Variants in FCSK observed in about 807,000 individuals in gnomAD.
The protein encoded by FCSK is L-fucose kinase.
Under a neutral mutation model 122.5 loss-of-function variants are expected in FCSK, and 123 were observed. The observed-to-expected ratio is 1.00, with a 90% CI of 0.87 to 1.17. FCSK has a LOEUF of 1.17. FCSK is among the 50% of genes most tolerant of loss of function. FCSK has a pLI of 0.00. For synonymous variants in FCSK, 620 were observed against 625.5 expected (o/e 0.99, Z 0.13); for missense variants, 1,366 against 1,450.4 (o/e 0.94, Z 0.95).
At chr16:70,469,427 GA>G in intron 10 of FCSK, 104 bp downstream of exon 10, 4 of 1,116,680 alleles carry the variant, frequency 3.6e-6, no homozygotes, top group Non-Finnish European at 5.0e-6. Flanking sequence ...CCAGCACAGG[GA>G]CTGGGCAGTT....
rs1335989173 is a variant in FCSK, at chr16:70,467,232, A to T, written c.485-142A>T. On this transcript the variant is annotated intron_variant, in intron 6 of 23. Transcript: ENST00000288078. ...AGGAGGGTTGTCATTCTCCCAGGCGAATGTCCATTTGGCTTGGAAACCGTA... is the reference window on the plus strand; with the variant it reads ...AGGAGGGTTGTCATTCTCCCAGGCGTATGTCCATTTGGCTTGGAAACCGTA... 4.7e-6 allele frequency: 3 copies of T among 642,884 alleles called. No individual in the cohort carries two copies. In the Admixed American group the frequency reaches 8.4e-5, roughly 18 times the overall value. 39.8% of individuals were successfully genotyped at this position (642,884 alleles called of 1,614,324 possible).
chr16:70,473,479 A>T lies in FCSK; in HGVS notation c.1777+126A>T, dbSNP rs1438475276. On this transcript the variant is annotated intron_variant, in intron 15 of 23. Transcript: ENST00000288078. The surrounding 1 kb of genome is among the most constrained non-coding windows in gnomAD (Gnocchi z 4.9). ...CTCAAGCAGGGAAGGGGCATGCTGG[A>T]GTTTACTTTTAGGATTCTGGAAGGC... 8.4e-7 allele frequency: 1 copy of T among 1,196,218 alleles called. No individual in the cohort carries two copies. The highest frequency in any genetic ancestry group is 1.6e-5 in the African/African-American group (1 of 63,256). The allele number at this position is 1,196,218 out of a possible 1,614,324, so 74.1% of individuals were successfully genotyped here.
intron 20 of FCSK, chr16:70,477,958 C>T (rs1567714221): frequency 3.2e-6 from 1 of 310,954 alleles, no homozygotes; most frequent in Non-Finnish European, 6.0e-6. Flanking sequence ...GCTGTGATTA[C>T]AGGCGTGTGC....
chr16:70,467,809 G>T, intron 7 of FCSK, 77 bp from the exon 8 acceptor site: 1 of 1,252,158 alleles, frequency 8.0e-7, no homozygotes, highest in East Asian at 2.3e-5. Context: ...GAATGCCCTT[G>T]CTGCCACCTG....
rs929210778 is a variant in FCSK at position 70,473,389 on chromosome 16, C to T, written c.1777+36C>T. 4 of 1,458,552 alleles carry T rather than the reference C, an allele frequency of 2.7e-6. No homozygotes were observed. The Admixed American group carries it at 9.8e-5, about 36-fold the overall frequency. The allele number at this position is 1,458,552 out of a possible 1,614,324, so 90.4% of individuals were successfully genotyped here. ...AGGCTGGTAGTGCTGCAGAATCAGG[C>T]CAGGGGCACCTGCCCTCCCTGTCCT... is the stretch of plus-strand genomic sequence containing the variant. On this transcript the variant is annotated intron_variant, in intron 15 of 23. Coordinates refer to ENST00000288078, the MANE Select transcript of FCSK (RefSeq NM_145059.3). The surrounding 1 kb of genome is among the most constrained non-coding windows in gnomAD (Gnocchi z 4.9).
intron 1 of FCSK, 94 bp from the exon 2 acceptor site, chr16:70,463,075 C>A: frequency 4.0e-6 from 3 of 752,216 alleles, no homozygotes; most frequent in East Asian, 2.8e-5. Flanking sequence ...CGAATCTATA[C>A]ACATGTTAAA....
In FCSK at chr16:70,469,140, C is replaced by G; in HGVS notation, c.784-12C>G. 6.2e-7 allele frequency: 1 copy of G among 1,613,922 alleles called. No individual in the cohort carries two copies. Among genetic ancestry groups the G allele is most frequent in the Non-Finnish European group, 8.5e-7 (1 of 1,179,986 alleles). On this transcript the variant is annotated splice_polypyrimidine_tract_variant and intron_variant, in intron 9 of 23. Transcript: ENST00000288078. The stretch of plus-strand genomic sequence containing the variant: ...GCCATGCCAATAGCTGTGCTTCTTC[C>G]CCTTCCCCTAGCTGTCTCTGTTTTT...
chr16:70,475,331 C>T lies in FCSK; in HGVS notation c.2378-19C>T. ...GCCCATCGAGACTGAATTCCTTTCT[C>T]ATGCCTGTCCTTCTGCAGGGGCCCT... On this transcript the variant is annotated intron_variant, in intron 18 of 23. Transcript: ENST00000288078. 1 of 1,607,740 alleles carries T rather than the reference C, an allele frequency of 6.2e-7. No homozygotes were observed. Among genetic ancestry groups the T allele is most frequent in the Non-Finnish European group, 8.5e-7 (1 of 1,179,738 alleles).
At chr16:70,472,913 G>T in intron 14 of FCSK, 70 bp from the exon 15 acceptor site, 1 of 1,503,566 alleles carries the variant, frequency 6.7e-7, no homozygotes. Context: ...ACTGACAGGC[G>T]GCTCAGGGCT....
intron 11 of FCSK, 82 bp from the exon 12 acceptor site, chr16:70,470,889 C>A: frequency 1.6e-6 from 2 of 1,268,644 alleles, no homozygotes; most frequent in Non-Finnish European, 2.2e-6. Context: ...GACGCTTTGC[C>A]CCTGGATGCT....
rs753838993 is a variant in FCSK, at chr16:70,479,199, C to T, written c.2949C>T (p.Gly983=). ...GFRQGSLPLL[G]QCLTSYWEQK... ...CCTCAGGAAGCCTGCCTCTGCTGGGCCAGTGCCTGACCTCGTACTGGGAGC... is the reference window on the plus strand; with the variant it reads ...CCTCAGGAAGCCTGCCTCTGCTGGGTCAGTGCCTGACCTCGTACTGGGAGC... Residue 983 remains glycine (G), a synonymous_variant, in exon 23 of 24, where the codon GGC becomes GGT. Coordinates refer to ENST00000288078, the MANE Select transcript of FCSK (RefSeq NM_145059.3). 4 of 1,613,430 alleles carry T rather than the reference C, an allele frequency of 2.5e-6. No individual in the cohort carries two copies. The highest frequency in any genetic ancestry group is 3.4e-6 in the Non-Finnish European group (4 of 1,179,992).
chr16:70,478,133 A>G (rs1242228341), intron 20 of FCSK, 139 bp from the exon 21 acceptor site: 7 of 745,604 alleles, frequency 9.4e-6, no homozygotes, highest in African/African-American at 1.8e-5. Context: ...CAGAAGCTGC[A>G]TAGCTCACTG....
chr16:70,467,425 G>T lies in FCSK; in HGVS notation c.536G>T (p.Ser179Ile). Residue 179 changes from serine to isoleucine, a missense_variant, in exon 7 of 24, where the codon AGC (serine) becomes ATC (isoleucine). Ser to Ile is a moderately radical substitution (Grantham distance 142). Transcript: ENST00000288078. ...RGARVIALPGSPAYAQNHGVY... is the reference protein window; with the variant it reads ...RGARVIALPGIPAYAQNHGVY... ...GCCAGAGTGATCGCCCTCCCAGGGA[G>T]CCCGGCCTACGCTCAGAATCATGGC... 1 of 1,610,852 alleles carries T rather than the reference G, an allele frequency of 6.2e-7. No homozygotes were observed. The highest frequency in any genetic ancestry group is 8.5e-7 in the Non-Finnish European group (1 of 1,178,910).
At chr16:70,468,150 G>A (rs1159664629) in intron 8 of FCSK, among the ~76,000 whole-genome samples, 184 bp downstream of exon 8, 2 of 152,184 alleles carry the variant, frequency 1.3e-5, no homozygotes, top group Non-Finnish European at 2.9e-5. Flanking sequence ...AGGCGGGCAC[G>A]GTGGCTAACG....
intron 16 of FCSK, 27 bp downstream of exon 16, chr16:70,474,366 T>C (rs1416376185): frequency 1.2e-6 from 2 of 1,606,646 alleles, no homozygotes; most frequent in Non-Finnish European, 1.7e-6. Context: ...GTCAGATCCC[T>C]TGGATAAGCC....
intron 6 of FCSK, 67 bp from the exon 7 acceptor site, chr16:70,467,307 A>G: frequency 8.5e-7 from 1 of 1,175,418 alleles, no homozygotes. Flanking sequence ...TCTTGCTTCC[A>G]CCTGGTGGGG....
rs995826834 is a variant in FCSK, at chr16:70,469,683, A to G, written c.955+360A>G. 5.3e-5 allele frequency among the ~76,000 whole-genome samples: 8 copies of G among 152,004 alleles called. No individual in the cohort carries two copies. The South Asian group carries it at 1.7e-3, about 32-fold the overall frequency. On this transcript the variant is annotated intron_variant, in intron 10 of 23. Coordinates refer to ENST00000288078, the MANE Select transcript of FCSK (RefSeq NM_145059.3). ...ATTCTCCTGCCTCAGCCTCCTGCGT[A>G]CCTGGGATAATAGCCATGCATCATC...
At chr16:70,470,933 C>A in intron 11 of FCSK, 38 bp from the exon 12 acceptor site, 2 of 1,526,146 alleles carry the variant, frequency 1.3e-6, no homozygotes. Context: ...AGCCCTGGGC[C>A]TCGACCCCCC....
At chr16:70,458,874 A>G (rs889177205) in intron 1 of FCSK, among the ~76,000 whole-genome samples, 4 of 152,164 alleles carry the variant, frequency 2.6e-5, no homozygotes, top group East Asian at 1.9e-4. Flanking sequence ...CAGCTCTACA[A>G]AGTAGGTTTA....
Sources: allele counts gnomAD v4.1 joint callset (sites outside exome capture counted in the v4.1 genomes callset), GRCh38; gene constraint gnomAD v4.1.1; non-coding constraint Gnocchi (gnomAD v3.1); transcripts MANE v1.5; gene names NCBI Gene and HGNC (gene_info 2026-07-23, HGNC 2026-07-21).